SZT2: variants seen among roughly 807,000 people sequenced by gnomAD.
The protein encoded by SZT2 is SZT2 subunit of KICSTOR complex.
In SZT2, 216 loss-of-function variants were observed where a neutral mutation model predicts 404.2. The observed-to-expected ratio is 0.53, with a 90% confidence interval of 0.48 to 0.60. The LOEUF is 0.60. Among genes scored for constraint, SZT2 ranks in the 20% least tolerant of loss-of-function variants. SZT2 has a pLI of 0.00. For missense variants in SZT2, 3,857 were observed against 4,459.2 expected (o/e 0.86, Z 3.85); for synonymous variants, 1,693 against 1,749.9 (o/e 0.97, Z 0.81).
In SZT2 at chr1:43,450,572, G is replaced by A; in HGVS notation, c.*92G>A. On this transcript the variant is annotated 3_prime_UTR_variant, in exon 72 of 72. Coordinates refer to ENST00000634258, the MANE Select transcript of SZT2 (RefSeq NM_001365999.1). This position sits in a 1 kb window ranked among gnomAD's most constrained non-coding sequence, Gnocchi z 4.3. ...AGGCAGGACTGACCAGCCCTTCTGGGCCCCAGGGCAAGCCAGACACTGAGT... is the reference window on the plus strand; with the variant it reads ...AGGCAGGACTGACCAGCCCTTCTGGACCCCAGGGCAAGCCAGACACTGAGT... 6.4e-7 allele frequency: 1 copy of A among 1,558,088 alleles called. No individual in the cohort carries two copies. The highest frequency in any genetic ancestry group is 8.7e-7 in the Non-Finnish European group (1 of 1,144,520).
chr1:43,421,373 A>G lies in SZT2; in HGVS notation c.1626+70A>G, dbSNP rs140048910. 27 of 1,563,174 alleles carry G rather than the reference A, an allele frequency of 1.7e-5. No individual in the cohort carries two copies. The African/African-American group carries it at 2.8e-4, about 16-fold the overall frequency. ...GGTTGCACAGCATCTGGAGCCCAGGACCACCACCTTCTATTCCTTTCTGTC... is the reference window on the plus strand; with the variant it reads ...GGTTGCACAGCATCTGGAGCCCAGGGCCACCACCTTCTATTCCTTTCTGTC... On this transcript the variant is annotated intron_variant, in intron 11 of 71. Coordinates refer to ENST00000634258, the MANE Select transcript of SZT2 (RefSeq NM_001365999.1).
chr1:43,390,490 T>C (rs1030709797), intron 1 of SZT2, among the ~76,000 whole-genome samples: 1 of 152,250 alleles, frequency 6.6e-6, no homozygotes, highest in African/African-American at 2.4e-5. Flanking sequence ...GGCGCTGTCA[T>C]GTAGCTAATC....
rs1029458781 is a variant in SZT2, at chr1:43,452,934, C to A, written c.*2454C>A. The A allele has an allele frequency of 6.2e-7, 1 of 1,608,392 alleles. No individual in the cohort carries two copies. The highest frequency in any genetic ancestry group is 1.1e-5 in the South Asian group (1 of 89,500). On this transcript the variant is annotated 3_prime_UTR_variant, in exon 72 of 72. Transcript: ENST00000634258. ...AGCCTCAGGAACGCTGCCAAATACA[C>A]CAGGCCTCCTCTTGCCACAGCACCC...
chr1:43,423,175 A>G lies in SZT2; in HGVS notation c.2114A>G (p.Lys705Arg), dbSNP rs760218399. The G allele has an allele frequency of 1.9e-6, 3 of 1,597,452 alleles. No homozygotes were observed. The highest frequency in any genetic ancestry group is 1.7e-5 in the Admixed American group (1 of 59,852). ...GTACAAAGCAAGGAGCCAACGCCCA[A>G]GGTGAAACGAAAAGGGCTAGGGGGT... ...HRVQSKEPTPKVKRKGLGGAG... is the reference protein window; with the variant it reads ...HRVQSKEPTPRVKRKGLGGAG... The change falls in exon 15 of 72, where the codon AAG (lysine) becomes AGG (arginine). Residue 705 changes from lysine (K) to arginine (R), a missense_variant. Lys to Arg is a conservative substitution (Grantham distance 26). Around this residue, in one of 7 missense-constraint regions of SZT2, gnomAD observed 1,725 missense variants for 1,881.0 expected, o/e 0.92. Coordinates refer to ENST00000634258, the MANE Select transcript of SZT2 (RefSeq NM_001365999.1).
rs1297376372 is a variant in SZT2 at position 43,434,449 on chromosome 1, G to A, written c.5868G>A (p.Val1956=). The change falls in exon 41 of 72, where the codon GTG becomes GTA. Residue 1956 remains valine (V), a synonymous_variant. Coordinates refer to ENST00000634258, the MANE Select transcript of SZT2 (RefSeq NM_001365999.1). ...TECRHLQQLL[V]RRVGEICREV... The stretch of plus-strand genomic sequence containing the variant: ...GTCGCCACCTGCAGCAGCTCCTGGT[G>A]AGGCGAGTTGGGGAGATCTGCAGGG... The A allele has an allele frequency of 3.1e-6, 5 of 1,598,104 alleles. No individual in the cohort carries two copies. The highest frequency in any genetic ancestry group is 4.3e-6 in the Non-Finnish European group (5 of 1,173,934).
rs1653109413 is a variant in SZT2 at position 43,426,068 on chromosome 1, A to G, written c.2960A>G (p.His987Arg). 2 of 1,614,108 alleles carry G rather than the reference A, an allele frequency of 1.2e-6. No homozygotes were observed. Among genetic ancestry groups the G allele is most frequent in the South Asian group, 1.1e-5 (1 of 91,070 alleles). ...GLDQGGDTCV[H>R]EIPFHFDLMG... ...GATCAGGGAGGAGACACCTGCGTCC[A>G]TGAGATCCCTTTCCATTTTGACCTA... The change falls in exon 21 of 72, where the codon CAT becomes CGT. Residue 987 changes from histidine (H) to arginine (R), a missense_variant. By Grantham distance (29) the His-to-Arg change is conservative. Transcript: ENST00000634258. This position sits in a 1 kb window ranked among gnomAD's most constrained non-coding sequence, Gnocchi z 4.9.
intron 4 of SZT2, among the ~76,000 whole-genome samples, chr1:43,408,999 A>T (rs1350260949): frequency 6.6e-6 from 1 of 152,170 alleles, no homozygotes. Context: ...CACCGCAGGG[A>T]CTGCTGGGTC....
Position 43,448,382 on chromosome 1 carries a change from G to A in SZT2, c.9867G>A (p.Gly3289=), listed in dbSNP as rs776369164. ...WKRLFLLEPP[G]PDRLRLGGRL... ...GCCTCTTCTTGCTGGAGCCACCGGG[G>A]CCTGATCGACTGCGGCTAGGGGGGC... The change falls in exon 69 of 72, where the codon GGG becomes GGA. Residue 3289 remains glycine, a synonymous_variant. Transcript: ENST00000634258. The surrounding 1 kb of genome is among the most constrained non-coding windows in gnomAD (Gnocchi z 4.2). 10 of 1,563,732 alleles carry A rather than the reference G, an allele frequency of 6.4e-6. No homozygotes were observed. The highest frequency in any genetic ancestry group is 8.7e-6 in the Non-Finnish European group (10 of 1,153,968).
At position 43,432,812 on chromosome 1, in the gene SZT2, G is replaced by A. The variant is rs1654054911; in HGVS notation, c.5602+13G>A. 1.2e-6 allele frequency: 2 copies of A among 1,613,424 alleles called. No individual in the cohort carries two copies. The highest frequency in any genetic ancestry group is 1.7e-6 in the Non-Finnish European group (2 of 1,179,662). ...TCAGACCACCTAGGTAAGCTGGGGGGACGGGGTGAAGGACTCTAAGCTGAT... is the reference window on the plus strand; with the variant it reads ...TCAGACCACCTAGGTAAGCTGGGGGAACGGGGTGAAGGACTCTAAGCTGAT... On this transcript the variant is annotated intron_variant, in intron 39 of 71. Coordinates refer to ENST00000634258, the MANE Select transcript of SZT2 (RefSeq NM_001365999.1).
At chr1:43,428,617 G>A (rs1403479069) in intron 28 of SZT2, 131 bp downstream of exon 28, 18 of 1,303,194 alleles carry the variant, frequency 1.4e-5, no homozygotes, top group Non-Finnish European at 1.8e-5. Context: ...GTGCTTTGTC[G>A]CCGGCTCACG....
Position 43,435,248 on chromosome 1 carries a change from C to T in SZT2, c.5953C>T (p.Leu1985=). The T allele has an allele frequency of 6.2e-7, 1 of 1,614,266 alleles. No homozygotes were observed. The highest frequency in any genetic ancestry group is 1.1e-5 in the South Asian group (1 of 91,082). ...LHDSHVCNSL[L]VAESEEDLWR... ...TGACAGCCACGTGTGTAACTCTCTT[C>T]TGGTGGCCGAGAGTGAAGAAGATCT... Residue 1985 remains leucine, a synonymous_variant, in exon 42 of 72, where the codon CTG becomes TTG. Coordinates refer to ENST00000634258, the MANE Select transcript of SZT2 (RefSeq NM_001365999.1).
At position 43,431,504 on chromosome 1, in the gene SZT2, T is replaced by TTGAGACCACCATGAATGAGG. The variant is rs2153934025; in HGVS notation, c.5074_5088+5dup. 9 of 1,614,200 alleles carry TTGAGACCACCATGAATGAGG rather than the reference T, an allele frequency of 5.6e-6. No homozygotes were observed. Among genetic ancestry groups the TTGAGACCACCATGAATGAGG allele is most frequent in the Non-Finnish European group, 7.6e-6 (9 of 1,180,028 alleles). ...TTGGCCACGCCCCACAGACTGGCTA[T>TTGAGACCACCATGAATGAGG]TGAGACCACCATGAATGAGGTGAGC... On this transcript the variant is annotated frameshift_variant, in exon 35 of 72. Transcript: ENST00000634258. LOFTEE classifies it high-confidence loss of function.
At chr1:43,414,043 A>T (rs1184434969) in intron 4 of SZT2, among the ~76,000 whole-genome samples, 1 of 152,126 alleles carries the variant, frequency 6.6e-6, no homozygotes, top group African/African-American at 2.4e-5. Context: ...GCACTTTGGG[A>T]GGCTGAGGTG....
At chr1:43,418,879 G>A (rs1160158932) in intron 7 of SZT2, among the ~76,000 whole-genome samples, 1 of 152,214 alleles carries the variant, frequency 6.6e-6, no homozygotes, top group African/African-American at 2.4e-5. Flanking sequence ...TAAGGGAATA[G>A]TGTTGTATGT....
Position 43,427,464 on chromosome 1 carries a change from G to T in SZT2, c.3598+19G>T. The T allele has an allele frequency of 6.2e-7, 1 of 1,611,810 alleles. No homozygotes were observed. The highest frequency in any genetic ancestry group is 1.7e-4 in the Middle Eastern group (1 of 6,056). On this transcript the variant is annotated intron_variant, in intron 25 of 71. Transcript: ENST00000634258. ...GCTAGTGGTAAGGCTGCCGACTCAAGGTGGGCAGGAGTGGGAGTGGGAAAC... is the reference window on the plus strand; with the variant it reads ...GCTAGTGGTAAGGCTGCCGACTCAATGTGGGCAGGAGTGGGAGTGGGAAAC...
Position 43,437,354 on chromosome 1 carries a change from C to T in SZT2, c.6187+31C>T. On this transcript the variant is annotated intron_variant, in intron 43 of 71. Coordinates refer to ENST00000634258, the MANE Select transcript of SZT2 (RefSeq NM_001365999.1). This position sits in a 1 kb window ranked among gnomAD's most constrained non-coding sequence, Gnocchi z 5.3. ...TGATTGGCATGAGAGGGCAGGTGAG[C>T]ATTGGAAGGATCTGGAAAAGGCAGT... is the stretch of plus-strand genomic sequence containing the variant. The T allele has an allele frequency of 1.2e-6, 2 of 1,614,012 alleles. No homozygotes were observed. The highest frequency in any genetic ancestry group is 1.1e-5 in the South Asian group (1 of 91,062).
At chr1:43,394,238 T>G in intron 1 of SZT2, 2 of 275,426 alleles carry the variant, frequency 7.3e-6, no homozygotes, top group Non-Finnish European at 1.1e-5. Context: ...AGATGGAGTC[T>G]TGCTCTGTCG....
chr1:43,446,787 G>A (rs578091692), intron 65 of SZT2, 168 bp from the exon 66 acceptor site: 1 of 682,680 alleles, frequency 1.5e-6, no homozygotes, highest in East Asian at 2.7e-5. Context: ...GAAAAAGGGA[G>A]GCTAGAATGG....
rs143332134 is a variant in SZT2, at chr1:43,424,541, C to G, written c.2471+109C>G. 8.0e-5 allele frequency: 95 copies of G among 1,194,500 alleles called. No individual in the cohort carries two copies. In the African/African-American group the frequency reaches 1.3e-3, roughly 16 times the overall value. The allele number at this position is 1,194,500 out of a possible 1,614,324, so 74.0% of individuals were successfully genotyped here. On this transcript the variant is annotated intron_variant, in intron 16 of 71. Coordinates refer to ENST00000634258, the MANE Select transcript of SZT2 (RefSeq NM_001365999.1). This position sits in a 1 kb window ranked among gnomAD's most constrained non-coding sequence, Gnocchi z 4.1. ...ACACTTCTCCTCTCTAATTCCCAGT[C>G]TGAAGTATAGAGCAGCATCTGCTAC...
Sources: gnomAD v4.1 joint callset for allele counts (sites outside exome capture counted in the v4.1 genomes callset) on GRCh38, gnomAD v4.1.1 for gene constraint, gnomAD v4.1.1 regional missense constraint, Gnocchi (gnomAD v3.1) non-coding constraint, MANE v1.5 for transcripts, NCBI Gene and HGNC (gene_info 2026-07-23, HGNC 2026-07-21) for gene names.